The following SMARCA4 variants were observed in gnomAD, a reference collection of about 807,000 sequenced individuals.
SMARCA4 encodes SWI/SNF-related matrix-associated actin-dependent regulator of chromatin subfamily A member 4.
A neutral mutation model predicts 193.9 loss-of-function variants in SMARCA4; 31 were observed. That is an observed-to-expected ratio of 0.16 (90% CI 0.12 to 0.22). The LOEUF (loss-of-function observed/expected upper bound fraction) is 0.22, where lower values mean the gene tolerates loss of function less well. SMARCA4 is among the 10% of genes least tolerant of loss of function. SMARCA4 has a pLI of 1.00. For missense variants in SMARCA4, 1,148 were observed against 2,296.0 expected (o/e 0.50, Z 10.22); for synonymous variants, 942 against 933.1 (o/e 1.01, Z -0.17).
chr19:11,027,167 A>G (rs1450199716), intron 23 of SMARCA4, among the ~76,000 whole-genome samples: 2 of 152,170 alleles, frequency 1.3e-5, no homozygotes, highest in African/African-American at 4.8e-5. Context: ...AGAGGCGCCT[A>G]ATGAAAACAT....
chr19:11,001,743 G>A (rs1484433428), intron 11 of SMARCA4, among the ~76,000 whole-genome samples: 2 of 152,184 alleles, frequency 1.3e-5, no homozygotes, highest in African/African-American at 2.4e-5. Context: ...CACTGTGAGC[G>A]CAGCAGTTTT....
intron 34 of SMARCA4, among the ~76,000 whole-genome samples, chr19:11,061,204 A>AAAAAAAAAAAAAATAT (rs1555797070): frequency 6.6e-5 from 3 of 45,224 alleles, no homozygotes; most frequent in African/African-American, 2.3e-4. Context: ...AAAAAAAAAA[A>AAAAAAAAAAAAAATAT]ATATATATAT....
At chr19:11,042,931 C>T (rs995045173) in intron 30 of SMARCA4, among the ~76,000 whole-genome samples, 1 of 152,184 alleles carries the variant, frequency 6.6e-6, no homozygotes, top group East Asian at 1.9e-4. Flanking sequence ...ACCAAGATTG[C>T]ACCACTGCAC....
chr19:10,974,508 T>C (rs1449751652), intron 1 of SMARCA4, among the ~76,000 whole-genome samples: 2 of 149,496 alleles, frequency 1.3e-5, no homozygotes, highest in African/African-American at 4.9e-5. Flanking sequence ...TAAAAAGTAA[T>C]AGATGGCTAT....
At chr19:10,962,717 A>C (rs2083903833) in intron 1 of SMARCA4, among the ~76,000 whole-genome samples, 1 of 151,866 alleles carries the variant, frequency 6.6e-6, no homozygotes, top group Admixed American at 6.6e-5. Flanking sequence ...TAATTTTTGT[A>C]TTTTTAGTAG....
chr19:10,971,945 C>T (rs907496598), intron 1 of SMARCA4, among the ~76,000 whole-genome samples: 4 of 151,088 alleles, frequency 2.6e-5, no homozygotes, highest in South Asian at 2.1e-4. Flanking sequence ...TGCACCACCA[C>T]GCTTGGCTAA....
chr19:11,026,194 C>A, intron 22 of SMARCA4, 106 bp from the exon 23 acceptor site: 1 of 895,496 alleles, frequency 1.1e-6, no homozygotes, highest in Non-Finnish European at 1.9e-6. Context: ...GCCGAGCACA[C>A]AGTGTGGGGG....
In SMARCA4 at chr19:11,061,904, A is replaced by C; in HGVS notation, c.*88A>C. 1 of 1,211,530 alleles carries C rather than the reference A, an allele frequency of 8.3e-7. No individual in the cohort carries two copies. The allele number at this position is 1,211,530 out of a possible 1,614,324, so 75.0% of individuals were successfully genotyped here. A position where few individuals can be genotyped will look rare whatever the true frequency, so the allele number is the denominator to read the frequency against. ...AGCAGTAACGGGTAGCAGCAGATGT[A>C]GTTTCAGACTTGGAGTAAAACTGTA... On this transcript the variant is annotated 3_prime_UTR_variant, in exon 35 of 35. Transcript: ENST00000344626.
intron 14 of SMARCA4, among the ~76,000 whole-genome samples, 179 bp from the exon 15 acceptor site, chr19:11,010,202 C>CT (rs2088687328): frequency 6.6e-6 from 1 of 152,196 alleles, no homozygotes; most frequent in South Asian, 2.1e-4. Flanking sequence ...ACCCCTCAGG[C>CT]TTAGTGCGGG....
At chr19:11,020,409 G>A (rs945169545) in intron 18 of SMARCA4, among the ~76,000 whole-genome samples, 2 of 151,144 alleles carry the variant, frequency 1.3e-5, no homozygotes, top group Non-Finnish European at 3.0e-5. Flanking sequence ...AGTTTTTTGC[G>A]TTTTGGTTTT....
At chr19:11,052,286 A>G (rs1005312135) in intron 30 of SMARCA4, among the ~76,000 whole-genome samples, 1 of 152,198 alleles carries the variant, frequency 6.6e-6, no homozygotes, top group Non-Finnish European at 1.5e-5. Flanking sequence ...AAGGTGAACC[A>G]GGTGTGATAT....
intron 1 of SMARCA4, chr19:10,977,733 A>T (rs2085258669): frequency 6.6e-6 from 1 of 152,236 alleles, no homozygotes; most frequent in Non-Finnish European, 1.5e-5. Context: ...GATACCTTTC[A>T]CGTGCTAAGC....
At chr19:10,995,948 CA>C (rs759014106) in intron 9 of SMARCA4, 5 of 537,866 alleles carry the variant, frequency 9.3e-6, no homozygotes, top group Admixed American at 5.4e-5. Flanking sequence ...ATTTCGTGGA[CA>C]GAGTGGGTAG....
At chr19:10,962,183 T>C (rs1298369430) in intron 1 of SMARCA4, among the ~76,000 whole-genome samples, 3 of 152,120 alleles carry the variant, frequency 2.0e-5, no homozygotes, top group Non-Finnish European at 4.4e-5. Context: ...TTTCCTCCTT[T>C]GTGAAAGCTC....
chr19:10,965,784 GA>G (rs1405088125), intron 1 of SMARCA4, among the ~76,000 whole-genome samples: 1 of 152,122 alleles, frequency 6.6e-6, no homozygotes, highest in East Asian at 1.9e-4. Flanking sequence ...AAACGTATGG[GA>G]AAAATACAGT....
intron 16 of SMARCA4, among the ~76,000 whole-genome samples, chr19:11,014,904 C>G (rs1373833181): frequency 1.3e-5 from 2 of 152,060 alleles, no homozygotes; most frequent in East Asian, 1.9e-4. Context: ...CCTCTGCCTC[C>G]TGGGTTCAAG....
intron 18 of SMARCA4, chr19:11,021,401 C>G: frequency 2.3e-6 from 1 of 432,974 alleles, no homozygotes; most frequent in Non-Finnish European, 4.5e-6. Context: ...TCTGCCAGAA[C>G]GTGCTCGGCA....
intron 11 of SMARCA4, among the ~76,000 whole-genome samples, chr19:11,002,268 A>G (rs1380586293): frequency 6.6e-6 from 1 of 151,756 alleles, no homozygotes; most frequent in Non-Finnish European, 1.5e-5. Context: ...TCACGAGGTC[A>G]GGAGATCGAG....
chr19:11,032,924 C>T (rs1446596997), intron 25 of SMARCA4, among the ~76,000 whole-genome samples: 1 of 152,192 alleles, frequency 6.6e-6, no homozygotes, highest in Non-Finnish European at 1.5e-5. Context: ...AGCTTCGGCC[C>T]CCTGTTGTAA....
Sources: gnomAD v4.1 joint callset for allele counts (sites outside exome capture counted in the v4.1 genomes callset) on GRCh38, gnomAD v4.1.1 for gene constraint, MANE v1.5 for transcripts, NCBI Gene and HGNC (gene_info 2026-07-23, HGNC 2026-07-21) for gene names.